The following ITIH6 variants were observed in gnomAD, a reference collection of about 807,000 sequenced individuals.
ITIH6 encodes inter-alpha-trypsin inhibitor heavy chain H6.
ITIH6 carries 60 observed loss-of-function variants against 58.2 expected under a neutral mutation model. That is an observed-to-expected ratio of 1.03 (90% CI 0.84 to 1.28). The LOEUF (loss-of-function observed/expected upper bound fraction) is 1.28. Among genes scored for constraint, ITIH6 ranks in the 50% most tolerant of loss-of-function variants. The pLI, the probability that ITIH6 is intolerant of heterozygous loss-of-function variation, is 0.00. For synonymous variants in ITIH6, 493 were observed against 417.4 expected, an observed-to-expected ratio of 1.18 and a Z score of -2.21; for missense variants, 1,290 against 1,021.1, an observed-to-expected ratio of 1.26 and a Z score of -3.59.
At position 54,765,838 on chromosome X, in the gene ITIH6, T is replaced by C. The variant is rs754005756; in HGVS notation, c.904-5911A>G. Among the ~76,000 whole-genome samples, 417 of 109,968 alleles carry C rather than the reference T, an allele frequency of 3.8e-3. 3 individuals carry two copies. The highest frequency in any genetic ancestry group is 0.013 in the African/African-American group (390 of 30,008). On this transcript the variant is annotated intron_variant, in intron 6 of 12. Transcript: ENST00000218436. ...AGTCAGGTAGTGTGATGCCTCCAGCTTTGTTCTTTTGGCTTAGGATTGACT... is the reference window on the plus strand; with the variant it reads ...AGTCAGGTAGTGTGATGCCTCCAGCCTTGTTCTTTTGGCTTAGGATTGACT...
intron 6 of ITIH6, among the ~76,000 whole-genome samples, chrX:54,764,847 A>G (rs1270818889): frequency 4.0e-5 from 4 of 101,163 alleles, no homozygotes; most frequent in African/African-American, 7.2e-5. Context: ...TGACTTCCAC[A>G]ATGGTTGAAC....
intron 11 of ITIH6, among the ~76,000 whole-genome samples, 184 bp from the exon 12 acceptor site, chrX:54,751,564 T>C (rs1280650446): frequency 1.8e-5 from 2 of 112,177 alleles, no homozygotes; most frequent in Non-Finnish European, 3.8e-5. Flanking sequence ...TGGGGGCATG[T>C]AGTATGTGTG....
At chrX:54,753,888 C>T (rs1303249146) in intron 10 of ITIH6, 42 bp downstream of exon 10, 1 of 1,189,777 alleles carries the variant, frequency 8.4e-7, no homozygotes, top group Middle Eastern at 2.5e-4. Flanking sequence ...GCACAAGCTG[C>T]CCTGTACTCA....
At chrX:54,765,719 T>G (rs1199921119) in intron 6 of ITIH6, among the ~76,000 whole-genome samples, 1 of 110,042 alleles carries the variant, frequency 9.1e-6, no homozygotes, top group Admixed American at 9.6e-5. Flanking sequence ...CGGCGTTATT[T>G]CTGAGGGCTC....
intron 5 of ITIH6, among the ~76,000 whole-genome samples, chrX:54,778,071 G>A (rs1602062977): frequency 8.9e-6 from 1 of 111,858 alleles, no homozygotes; most frequent in East Asian, 2.8e-4. Flanking sequence ...ATAACACAGA[G>A]AAGGCATTCA....
rs1928305773 is a variant in ITIH6 at position 54,749,450 on chromosome X, A to C, written c.*445T>G. ...ACAACTAGGATTTGAAGGATGAATT[A>C]TACTCACCTACAGGAACAAAGGAAG... On this transcript the variant is annotated 3_prime_UTR_variant, in exon 13 of 13. Coordinates refer to ENST00000218436, the MANE Select transcript of ITIH6 (RefSeq NM_198510.3). 8.4e-6 allele frequency: 1 copy of C among 118,530 alleles called. No individual in the cohort carries two copies. The highest frequency in any genetic ancestry group is 1.7e-5 in the Non-Finnish European group (1 of 57,722). 9.8% of individuals were successfully genotyped at this position (118,530 alleles called of 1,213,427 possible). A position where few individuals can be genotyped will look rare whatever the true frequency, so the allele number is the denominator to read the frequency against.
intron 6 of ITIH6, among the ~76,000 whole-genome samples, chrX:54,766,034 T>A (rs1426335005): frequency 9.0e-6 from 1 of 111,239 alleles, no homozygotes; most frequent in Admixed American, 9.5e-5. Flanking sequence ...GCATGGAATG[T>A]TCTTCCATTT....
At chrX:54,750,651 A>T (rs1013833786) in intron 12 of ITIH6, among the ~76,000 whole-genome samples, 3 of 110,876 alleles carry the variant, frequency 2.7e-5, no homozygotes, top group African/African-American at 9.8e-5. Context: ...TGACCACTCA[A>T]CTCTATTTCC....
chrX:54,774,203 CCAA>C lies in ITIH6; in HGVS notation c.787-9_787-7del. 1 of 649,222 alleles carries C rather than the reference CCAA, an allele frequency of 1.5e-6. No homozygotes were observed. The highest frequency in any genetic ancestry group is 2.1e-6 in the Non-Finnish European group (1 of 474,816). 53.5% of individuals were successfully genotyped at this position (649,222 alleles called of 1,213,427 possible). A position where few individuals can be genotyped will look rare whatever the true frequency, so the allele number is the denominator to read the frequency against. ...ATGAAATAGTCATCGTAAATCTGGA[CCAA>C]AAAAAAAAAAAAAAAAGTAGAACCA... On this transcript the variant is annotated splice_region_variant and splice_polypyrimidine_tract_variant and intron_variant, in intron 5 of 12. Transcript: ENST00000218436.
chrX:54,765,599 T>C lies in ITIH6; in HGVS notation c.904-5672A>G, dbSNP rs769650913. ...TAAGCGGCATTATTTCTTTTCTTTT[T>C]TTTTTTTTTTTTTTTGAGACGGAGT... On this transcript the variant is annotated intron_variant, in intron 6 of 12. Coordinates refer to ENST00000218436, the MANE Select transcript of ITIH6 (RefSeq NM_198510.3). Among the ~76,000 whole-genome samples, 167 of 100,548 alleles carry C rather than the reference T, an allele frequency of 1.7e-3. 1 individual carries two copies. The highest frequency in any genetic ancestry group is 3.1e-3 in the East Asian group (10 of 3,234). 87.3% of individuals were successfully genotyped at this position (100,548 alleles called of 115,157 possible).
intron 7 of ITIH6, 62 bp downstream of exon 7, chrX:54,759,694 G>T: frequency 1.0e-6 from 1 of 969,150 alleles, no homozygotes; most frequent in South Asian, 2.4e-5. Context: ...TGAAGAGAGG[G>T]TTTCAGGAAT....
chrX:54,775,998 C>T lies in ITIH6; in HGVS notation c.787-1801G>A, dbSNP rs143609895. ...TCAGTACCTGGTTTTAACTTCATATCAATGAAAGAGGCACTGAAGTGGTAG... is the reference window on the plus strand; with the variant it reads ...TCAGTACCTGGTTTTAACTTCATATTAATGAAAGAGGCACTGAAGTGGTAG... On this transcript the variant is annotated intron_variant, in intron 5 of 12. Coordinates refer to ENST00000218436, the MANE Select transcript of ITIH6 (RefSeq NM_198510.3). 6.0e-3 allele frequency among the ~76,000 whole-genome samples: 672 copies of T among 111,704 alleles called. 4 individuals are homozygous for T. The highest frequency in any genetic ancestry group is 0.02 in the African/African-American group (600 of 30,701).
At chrX:54,776,798 C>T (rs1270269429) in intron 5 of ITIH6, among the ~76,000 whole-genome samples, 2 of 111,392 alleles carry the variant, frequency 1.8e-5, no homozygotes, top group African/African-American at 6.5e-5. Flanking sequence ...GCAATAATGC[C>T]CAGGTACTAC....
intron 6 of ITIH6, among the ~76,000 whole-genome samples, chrX:54,772,838 T>C (rs1211024328): frequency 8.9e-6 from 1 of 112,046 alleles, no homozygotes; most frequent in Non-Finnish European, 1.9e-5. Context: ...TGGTGTGATC[T>C]TGGTTCACTG....
chrX:54,749,178 C>A lies in ITIH6; in HGVS notation c.*717G>T, dbSNP rs1928299248. On this transcript the variant is annotated 3_prime_UTR_variant, in exon 13 of 13. Transcript: ENST00000218436. Reference sequence around the variant, plus strand: ...TTTTTTGTTAATTAATTAATTCATTCTTTTAACAAATATTTACTAAGCACC... The same window carrying A: ...TTTTTTGTTAATTAATTAATTCATTATTTTAACAAATATTTACTAAGCACC... 9.0e-6 allele frequency: 1 copy of A among 111,593 alleles called. No individual in the cohort carries two copies. 9.2% of individuals were successfully genotyped at this position (111,593 alleles called of 1,213,427 possible).
At chrX:54,764,965 G>A (rs1417997821) in intron 6 of ITIH6, among the ~76,000 whole-genome samples, 1 of 79,627 alleles carries the variant, frequency 1.3e-5, no homozygotes, top group African/African-American at 4.7e-5. Context: ...ACTGGTGTGA[G>A]ATGATATCTC....
intron 6 of ITIH6, among the ~76,000 whole-genome samples, chrX:54,773,398 G>A (rs1230394515): frequency 9.0e-6 from 1 of 111,406 alleles, no homozygotes; most frequent in Non-Finnish European, 1.9e-5. Context: ...CTCAACTCTG[G>A]TAAAACAAAC....
intron 6 of ITIH6, among the ~76,000 whole-genome samples, chrX:54,769,986 C>T (rs1261216521): frequency 4.5e-5 from 5 of 110,174 alleles, no homozygotes; most frequent in Admixed American, 1.9e-4. Flanking sequence ...GCCTTGCTGC[C>T]GCCTTGCAGT....
chrX:54,778,044 A>G (rs1929083382), intron 5 of ITIH6, among the ~76,000 whole-genome samples: 1 of 111,810 alleles, frequency 8.9e-6, no homozygotes, highest in Non-Finnish European at 1.9e-5. Flanking sequence ...TGTTGAGGAA[A>G]CTCAAAGAAA....
Sources: gnomAD v4.1 joint callset for allele counts (sites outside exome capture counted in the v4.1 genomes callset) on GRCh38, gnomAD v4.1.1 for gene constraint, MANE v1.5 for transcripts, NCBI Gene and HGNC (gene_info 2026-07-23, HGNC 2026-07-21) for gene names.